The following ACADM variants were observed in gnomAD, a reference collection of about 807,000 sequenced individuals.
The protein encoded by ACADM is medium-chain specific acyl-CoA dehydrogenase, mitochondrial.
In ACADM, 49 loss-of-function variants were observed where a neutral mutation model predicts 58.9. That is an observed-to-expected ratio of 0.83 (90% CI 0.66 to 1.06). The LOEUF is 1.06. ACADM is among the 50% of genes least tolerant of loss of function. The pLI is 0.00. For synonymous variants in ACADM, 160 were observed against 157.7 expected (o/e 1.01, Z -0.11); for missense variants, 496 against 507.0 (o/e 0.98, Z 0.21).
intron 1 of ACADM, among the ~76,000 whole-genome samples, chr1:75,725,249 AAAGT>A (rs1281643050): frequency 7.6e-6 from 1 of 131,916 alleles, no homozygotes; most frequent in Non-Finnish European, 1.6e-5. Context: ...GGGAAAAAAA[AAAGT>A]AAAAAAAAAA....
At chr1:75,733,304 A>G (rs1647184350) in intron 4 of ACADM, 2 of 1,169,596 alleles carry the variant, frequency 1.7e-6, no homozygotes, top group African/African-American at 3.1e-5. Flanking sequence ...TAGAACAGGA[A>G]TACAGGTTCA....
intron 10 of ACADM, among the ~76,000 whole-genome samples, chr1:75,753,350 T>C (rs907828012): frequency 2.0e-5 from 3 of 152,148 alleles, no homozygotes; most frequent in African/African-American, 7.2e-5. Context: ...TCCTCCATGT[T>C]ATCTCTTCTC....
chr1:75,739,055 C>T (rs1647426381), intron 6 of ACADM, among the ~76,000 whole-genome samples: 1 of 152,174 alleles, frequency 6.6e-6, no homozygotes, highest in Admixed American at 6.6e-5. Context: ...TACTGTGGAA[C>T]TCTGGTACTT....
chr1:75,737,279 A>AAATATAT (rs1553123496), intron 6 of ACADM, among the ~76,000 whole-genome samples: 1 of 43,126 alleles, frequency 2.3e-5, no homozygotes, highest in Non-Finnish European at 4.0e-5. Flanking sequence ...CACACACACA[A>AAATATAT]ATATATATAT....
chr1:75,761,024 T>A, intron 10 of ACADM, 98 bp from the exon 11 acceptor site: 1 of 1,254,718 alleles, frequency 8.0e-7, no homozygotes, highest in South Asian at 1.3e-5. Flanking sequence ...CTGGGCAACA[T>A]AGCAAGACCC....
At position 75,763,137 on chromosome 1, in the gene ACADM, T is replaced by C. The variant is rs1217678948; in HGVS notation, c.*374T>C. ...TTACAAAATTTACATTTAGAAAATA[T>C]TGTAGTATTTGAATACTGTCAACTT... On this transcript the variant is annotated 3_prime_UTR_variant, in exon 12 of 12. Transcript: ENST00000370841. The C allele has an allele frequency of 6.1e-6, 1 of 163,176 alleles. No individual in the cohort carries two copies. The highest frequency in any genetic ancestry group is 2.4e-5 in the African/African-American group (1 of 41,552). 10.1% of individuals were successfully genotyped at this position (163,176 alleles called of 1,614,324 possible).
intron 6 of ACADM, among the ~76,000 whole-genome samples, chr1:75,736,852 G>A (rs1291644047): frequency 6.6e-6 from 1 of 152,050 alleles, no homozygotes; most frequent in African/African-American, 2.4e-5. Flanking sequence ...TTATTGTAGT[G>A]CCTACCACAT....
intron 2 of ACADM, 92 bp from the exon 3 acceptor site, chr1:75,732,552 C>A: frequency 1.9e-6 from 2 of 1,028,184 alleles, no homozygotes; most frequent in Non-Finnish European, 3.1e-6. Context: ...GGATTTAAGT[C>A]CCCACAATAA....
intron 8 of ACADM, 68 bp downstream of exon 8, chr1:75,745,982 T>C (rs1570887186): frequency 1.8e-6 from 2 of 1,084,046 alleles, no homozygotes; most frequent in African/African-American, 3.2e-5. Context: ...ATTACTTAAC[T>C]TTCCTTTAAT....
chr1:75,761,214 T>C lies in ACADM; in HGVS notation c.1038T>C (p.Ser346=). ...AGAGAGCAGCTTGGGAGGTTGATTC[T>C]GGTCGTCGAAATACCTATTATGCTT... is the stretch of plus-strand genomic sequence containing the variant. ...SYQRAAWEVD[S]GRRNTYYASI... The change falls in exon 11 of 12, where the codon TCT becomes TCC. Residue 346 remains serine, a synonymous_variant. Transcript: ENST00000370841. 6.2e-7 allele frequency: 1 copy of C among 1,614,214 alleles called. No individual in the cohort carries two copies. Among genetic ancestry groups the C allele is most frequent in the South Asian group, 1.1e-5 (1 of 91,086 alleles).
Position 75,740,112 on chromosome 1 carries a change from T to C in ACADM, c.599+2T>C, listed in dbSNP as rs148260275. On this transcript the variant is annotated splice_donor_variant, in intron 7 of 11. Transcript: ENST00000370841. LOFTEE classifies it high-confidence loss of function. ...AACCAACGGAGGAAAAGCTAATTGG[T>C]ATGTTGTTCAAAACATCTTTGTATA... The C allele has an allele frequency of 1.9e-6, 3 of 1,609,228 alleles. No homozygotes were observed. Among genetic ancestry groups the C allele is most frequent in the African/African-American group, 1.3e-5 (1 of 74,814 alleles).
intron 8 of ACADM, among the ~76,000 whole-genome samples, chr1:75,746,630 G>A (rs952679837): frequency 7.6e-5 from 11 of 144,508 alleles, no homozygotes; most frequent in East Asian, 2.0e-4. Flanking sequence ...ACAGCGTCTC[G>A]CTCTGTTGCC....
chr1:75,743,224 G>A (rs1647681749), intron 7 of ACADM, among the ~76,000 whole-genome samples: 1 of 152,168 alleles, frequency 6.6e-6, no homozygotes, highest in Non-Finnish European at 1.5e-5. Context: ...TATGAGACAG[G>A]TGCAGAGAGG....
At chr1:75,749,634 T>G in intron 9 of ACADM, 75 bp downstream of exon 9, 1 of 1,355,066 alleles carries the variant, frequency 7.4e-7, no homozygotes, top group Non-Finnish European at 1.0e-6. Flanking sequence ...ACTTTAAAAT[T>G]GTATGTTCAG....
chr1:75,761,964 G>A (rs1430309064), intron 11 of ACADM, among the ~76,000 whole-genome samples: 2 of 152,154 alleles, frequency 1.3e-5, no homozygotes, highest in South Asian at 2.1e-4. Context: ...GACTCATCCA[G>A]TCATTGGAAA....
intron 10 of ACADM, among the ~76,000 whole-genome samples, chr1:75,754,709 C>T (rs762882732): frequency 1.9e-4 from 29 of 152,320 alleles, no homozygotes; most frequent in Non-Finnish European, 3.4e-4. Context: ...ACACAGAAGA[C>T]GGGTGATTTC....
rs1029818265 is a variant in ACADM, at chr1:75,763,371, C to T, written c.*608C>T. 1 of 152,156 alleles carries T rather than the reference C, an allele frequency of 6.6e-6. No individual in the cohort carries two copies. The highest frequency in any genetic ancestry group is 1.5e-5 in the Non-Finnish European group (1 of 68,052). The allele number at this position is 152,156 out of a possible 1,614,324, so 9.4% of individuals were successfully genotyped here. On this transcript the variant is annotated 3_prime_UTR_variant, in exon 12 of 12. Coordinates refer to ENST00000370841, the MANE Select transcript of ACADM (RefSeq NM_000016.6). The stretch of plus-strand genomic sequence containing the variant: ...CCTTATTTAAAATAAATCAATAAAG[C>T]TTGCCTTAAATTATTTTTATATGAC...
At chr1:75,757,869 G>A (rs760021379) in intron 10 of ACADM, among the ~76,000 whole-genome samples, 9 of 152,178 alleles carry the variant, frequency 5.9e-5, no homozygotes, top group Admixed American at 3.3e-4. Context: ...CACAGGCTTA[G>A]TCTCACAAGA....
At chr1:75,734,713 A>C (rs1647210366) in intron 5 of ACADM, 78 bp from the exon 6 acceptor site, 2 of 1,175,848 alleles carry the variant, frequency 1.7e-6, no homozygotes, top group Non-Finnish European at 2.5e-6. Context: ...TTATTTTTTC[A>C]TTTTGAATTA....
Sources: gnomAD v4.1 joint callset for allele counts (sites outside exome capture counted in the v4.1 genomes callset) on GRCh38, gnomAD v4.1.1 for gene constraint, MANE v1.5 for transcripts, NCBI Gene and HGNC (gene_info 2026-07-23, HGNC 2026-07-21) for gene names.